Variants in TOGARAM1 observed in about 807,000 individuals in gnomAD.
TOGARAM1 encodes the protein TOG array regulator of axonemal microtubules protein 1.
In TOGARAM1, 100 loss-of-function variants were observed where a neutral mutation model predicts 166.6. The ratio of observed to expected loss-of-function variants is 0.60; its 90% CI spans 0.51 to 0.71. TOGARAM1 has a LOEUF of 0.71. Among genes scored for constraint, TOGARAM1 ranks in the 30% least tolerant of loss-of-function variants. TOGARAM1 has a pLI of 0.00. For missense variants in TOGARAM1, 2,029 were observed against 2,102.7 expected (o/e 0.96, Z 0.69); for synonymous variants, 758 against 763.8 (o/e 0.99, Z 0.13).
chr14:45,046,654 A>G lies in TOGARAM1; in HGVS notation c.4264A>G (p.Ile1422Val), dbSNP rs1489311610. The change falls in exon 14 of 20, where the codon ATA becomes GTA. Residue 1422 changes from isoleucine to valine, a missense_variant. Ile to Val is a conservative substitution (Grantham distance 29). Coordinates refer to ENST00000361462, the MANE Select transcript of TOGARAM1 (RefSeq NM_001308120.2). ...LSAAKDMAER[I>V]LPAAAKFAQD... is the part of the protein sequence containing the mutation. ...TGCAGCAAAGGATATGGCTGAACGC[A>G]TATTACCAGCTGCTGCTAAGTTTGC... The G allele has an allele frequency of 8.2e-6, 11 of 1,348,838 alleles. No homozygotes were observed. Among genetic ancestry groups the G allele is most frequent in the Admixed American group, 3.4e-5 (1 of 29,554 alleles). 83.6% of individuals were successfully genotyped at this position (1,348,838 alleles called of 1,614,324 possible). A position where few individuals can be genotyped will look rare whatever the true frequency, so the allele number is the denominator to read the frequency against.
intron 1 of TOGARAM1, among the ~76,000 whole-genome samples, chr14:44,973,995 GT>G (rs1362513151): frequency 6.6e-6 from 1 of 151,616 alleles, no homozygotes; most frequent in Non-Finnish European, 1.5e-5. Flanking sequence ...CCTAGGTGTA[GT>G]TTTTCTGACC....
chr14:44,983,436 G>T (rs1255798374), intron 1 of TOGARAM1, among the ~76,000 whole-genome samples: 1 of 152,128 alleles, frequency 6.6e-6, no homozygotes. Flanking sequence ...AATTGCCTTA[G>T]GATCTTGTTA....
chr14:45,002,391 G>A (rs1235276385), intron 3 of TOGARAM1, among the ~76,000 whole-genome samples: 1 of 152,056 alleles, frequency 6.6e-6, no homozygotes, highest in Non-Finnish European at 1.5e-5. Flanking sequence ...TGGCTCTCTG[G>A]TTTTCTATTG....
chr14:45,055,842 CT>C (rs770271609), intron 16 of TOGARAM1, among the ~76,000 whole-genome samples: 295 of 99,252 alleles, frequency 3.0e-3, no homozygotes, highest in Middle Eastern at 6.1e-3. Flanking sequence ...TACTTGGGCT[CT>C]TTTTTTTTTT....
rs1182451988 is a variant in TOGARAM1 at position 45,074,372 on chromosome 14, T to A, written c.*811T>A. 6.6e-6 allele frequency: 1 copy of A among 152,574 alleles called. No individual in the cohort carries two copies. The highest frequency in any genetic ancestry group is 2.4e-5 in the African/African-American group (1 of 41,420). 9.5% of individuals were successfully genotyped at this position (152,574 alleles called of 1,614,324 possible). A position where few individuals can be genotyped will look rare whatever the true frequency, so the allele number is the denominator to read the frequency against. On this transcript the variant is annotated 3_prime_UTR_variant, in exon 20 of 20. Transcript: ENST00000361462. ...TTTTCAGAATTCATGGGCTTACAAGTACTGTATGCATCTTTAAAAAGAAAA... is the reference window on the plus strand; with the variant it reads ...TTTTCAGAATTCATGGGCTTACAAGAACTGTATGCATCTTTAAAAAGAAAA...
intron 14 of TOGARAM1, among the ~76,000 whole-genome samples, chr14:45,048,314 C>CAAAAAAAAAA (rs1165258521): frequency 2.3e-5 from 1 of 43,758 alleles, no homozygotes; most frequent in African/African-American, 7.3e-5. Flanking sequence ...GACTCCATCT[C>CAAAAAAAAAA]AAAAAAAAAA....
intron 4 of TOGARAM1, 134 bp downstream of exon 4, chr14:45,004,500 A>G (rs1440949157): frequency 1.5e-6 from 1 of 663,420 alleles, no homozygotes; most frequent in Non-Finnish European, 2.5e-6. Context: ...ATTTAGGAAA[A>G]TATTTAATAG....
At position 45,011,972 on chromosome 14, in the gene TOGARAM1, C is replaced by T. The variant is rs1351881872; in HGVS notation, c.3138-3C>T. The T allele has an allele frequency of 3.8e-6, 6 of 1,591,030 alleles. No individual in the cohort carries two copies. Among genetic ancestry groups the T allele is most frequent in the Non-Finnish European group, 5.1e-6 (6 of 1,169,986 alleles). Reference sequence around the variant, plus strand: ...TTATTGAAATTACTTTGTTTCATTGCAGGTCAGACATATTTCCAACATTTG... The same window carrying T: ...TTATTGAAATTACTTTGTTTCATTGTAGGTCAGACATATTTCCAACATTTG... On this transcript the variant is annotated splice_region_variant and splice_polypyrimidine_tract_variant and intron_variant, in intron 6 of 19. Transcript: ENST00000361462.
At position 45,033,580 on chromosome 14, in the gene TOGARAM1, A is replaced by G. The variant is rs576810413; in HGVS notation, c.3812+1204A>G. 1.7e-4 allele frequency among the ~76,000 whole-genome samples: 26 copies of G among 152,332 alleles called. No individual in the cohort carries two copies. The South Asian group carries it at 5.2e-3, about 30-fold the overall frequency. On this transcript the variant is annotated intron_variant, in intron 11 of 19. Coordinates refer to ENST00000361462, the MANE Select transcript of TOGARAM1 (RefSeq NM_001308120.2). The stretch of plus-strand genomic sequence containing the variant: ...TTGGCCCATGAGCCATAGTTTGCCA[A>G]TCCCTTCTTAAATTATTTCATTCAG...
At position 44,971,808 on chromosome 14, in the gene TOGARAM1, G is replaced by A. The variant is rs566877414; in HGVS notation, c.2046+7341G>A. On this transcript the variant is annotated intron_variant, in intron 1 of 19. Coordinates refer to ENST00000361462, the MANE Select transcript of TOGARAM1 (RefSeq NM_001308120.2). ...ATTTCTTTGACTTGTATGTAACTTAGAAGTGTATTTAGTCTACAAGTATGT... is the reference window on the plus strand; with the variant it reads ...ATTTCTTTGACTTGTATGTAACTTAAAAGTGTATTTAGTCTACAAGTATGT... 2.6e-5 allele frequency among the ~76,000 whole-genome samples: 4 copies of A among 152,236 alleles called. No individual in the cohort carries two copies. The East Asian group carries it at 7.7e-4, about 29-fold the overall frequency.
At chr14:45,019,418 G>T (rs891682217) in intron 7 of TOGARAM1, among the ~76,000 whole-genome samples, 5 of 151,772 alleles carry the variant, frequency 3.3e-5, no homozygotes, top group Non-Finnish European at 7.4e-5. Context: ...AACCTTGATT[G>T]ACACATAAAA....
chr14:44,997,814 A>AG (rs1347079705), intron 2 of TOGARAM1, among the ~76,000 whole-genome samples: 1 of 151,282 alleles, frequency 6.6e-6, no homozygotes, highest in Non-Finnish European at 1.5e-5. Flanking sequence ...AAAAAAAAAA[A>AG]GAAGAAGAAG....
At chr14:44,968,714 C>A (rs567402132) in intron 1 of TOGARAM1, among the ~76,000 whole-genome samples, 1 of 152,310 alleles carries the variant, frequency 6.6e-6, no homozygotes, top group East Asian at 1.9e-4. Flanking sequence ...ATATAATTAT[C>A]ACCCAAGGCC....
chr14:44,973,513 G>A (rs1310830822), intron 1 of TOGARAM1, among the ~76,000 whole-genome samples: 1 of 150,752 alleles, frequency 6.6e-6, no homozygotes, highest in African/African-American at 2.4e-5. Flanking sequence ...TTTTCTGTTA[G>A]ATCTGTTAAA....
rs1004169036 is a variant in TOGARAM1 at position 45,068,708 on chromosome 14, C to T, written c.4969+65C>T. The stretch of plus-strand genomic sequence containing the variant: ...TCTTTTCATGTTTTCTGATTCCATC[C>T]ATACTTTTTTTGTAATGCTGAAATC... On this transcript the variant is annotated intron_variant, in intron 18 of 19. Transcript: ENST00000361462. 30 of 1,279,690 alleles carry T rather than the reference C, an allele frequency of 2.3e-5. No homozygotes were observed. In the Admixed American group the frequency reaches 6.6e-4, roughly 28 times the overall value. The allele number at this position is 1,279,690 out of a possible 1,614,324, so 79.3% of individuals were successfully genotyped here. A position where few individuals can be genotyped will look rare whatever the true frequency, so the allele number is the denominator to read the frequency against.
chr14:44,968,926 C>T (rs575371063), intron 1 of TOGARAM1, among the ~76,000 whole-genome samples: 79 of 152,306 alleles, frequency 5.2e-4, no homozygotes, highest in African/African-American at 1.9e-3. Context: ...TCTCTCACCC[C>T]ATTCCCAAGC....
chr14:45,069,522 T>C (rs1883286018), intron 18 of TOGARAM1, among the ~76,000 whole-genome samples: 3 of 150,300 alleles, frequency 2.0e-5, no homozygotes, highest in African/African-American at 2.4e-5. Flanking sequence ...AATAAAAAAA[T>C]AGACAAAAGA....
intron 11 of TOGARAM1, among the ~76,000 whole-genome samples, chr14:45,037,402 C>T (rs536834174): frequency 6.6e-6 from 1 of 152,272 alleles, no homozygotes; most frequent in African/African-American, 2.4e-5. Flanking sequence ...GGAGTGATAT[C>T]CCAACACATT....
At chr14:45,073,173 C>G in intron 19 of TOGARAM1, 123 bp from the exon 20 acceptor site, 1 of 952,968 alleles carries the variant, frequency 1.0e-6, no homozygotes, top group Non-Finnish European at 1.5e-6. Flanking sequence ...TTTTAAGAAG[C>G]CTAACTTTTT....
Sources: allele counts gnomAD v4.1 joint callset (sites outside exome capture counted in the v4.1 genomes callset), GRCh38; gene constraint gnomAD v4.1.1; transcripts MANE v1.5; gene names NCBI Gene and HGNC (gene_info 2026-07-23, HGNC 2026-07-21).